USP49: variants seen among roughly 807,000 people sequenced by gnomAD.
USP49 encodes ubiquitin specific peptidase 49, also known as ubiquitin carboxyl-terminal hydrolase 49.
A neutral mutation model predicts 58.6 loss-of-function variants in USP49; 24 were observed. That is an observed-to-expected ratio of 0.41 (90% CI 0.30 to 0.58). USP49 has a LOEUF of 0.58. Among genes scored for constraint, USP49 ranks in the 20% least tolerant of loss-of-function variants. The pLI is 0.30. For synonymous variants in USP49, 408 were observed against 365.1 expected (o/e 1.12, Z -1.34); for missense variants, 703 against 866.1 (o/e 0.81, Z 2.36).
In USP49 at chr6:41,806,093, G is replaced by T. The variant is rs766133114; in HGVS notation, c.891C>A (p.Thr297=). The change falls in exon 4 of 8, where the codon ACC becomes ACA. Residue 297 remains threonine, a synonymous_variant. Transcript: ENST00000682992. The surrounding 1 kb of genome is among the most constrained non-coding windows in gnomAD (Gnocchi z 5.9). ...TGCCAGAAAGCTGAGTCTTCCCGTTGGTGGCTTTGGGAAACAGATGTTCCG... is the reference window on the plus strand; with the variant it reads ...TGCCAGAAAGCTGAGTCTTCCCGTTTGTGGCTTTGGGAAACAGATGTTCCG... ...SKTEHLFPKA[T]NGKTQLSGKP... 5 of 1,614,052 alleles carry T rather than the reference G, an allele frequency of 3.1e-6. No homozygotes were observed. Among genetic ancestry groups the T allele is most frequent in the East Asian group, 2.2e-5 (1 of 44,888 alleles).
rs1772863288 is a variant in USP49, at chr6:41,795,039, T to C, written c.*1494A>G. The stretch of plus-strand genomic sequence containing the variant: ...CATTCTTTAGCCTGGCTTTCCCCAC[T>C]TCCCACTCCTCCCCGAACGCCCTTC... On this transcript the variant is annotated 3_prime_UTR_variant, in exon 8 of 8. Transcript: ENST00000682992. 6.6e-6 allele frequency: 1 copy of C among 152,176 alleles called. No individual in the cohort carries two copies. The highest frequency in any genetic ancestry group is 1.9e-4 in the East Asian group (1 of 5,194). 9.4% of individuals were successfully genotyped at this position (152,176 alleles called of 1,614,324 possible).
chr6:41,832,403 T>G (rs908925779), intron 3 of USP49, among the ~76,000 whole-genome samples: 1 of 152,206 alleles, frequency 6.6e-6, no homozygotes, highest in African/African-American at 2.4e-5. Flanking sequence ...TACTGGCAAA[T>G]GCCTAAGTCC....
At chr6:41,796,990 C>T (rs1772898521) in intron 7 of USP49, among the ~76,000 whole-genome samples, 1 of 148,484 alleles carries the variant, frequency 6.7e-6, no homozygotes, top group African/African-American at 2.5e-5. Context: ...CGCTCTGTCA[C>T]CCAGGCTGGA....
intron 3 of USP49, among the ~76,000 whole-genome samples, chr6:41,846,212 G>A (rs566595252): frequency 7.2e-5 from 11 of 152,238 alleles, no homozygotes; most frequent in Non-Finnish European, 1.6e-4. Context: ...AGCTACTTGG[G>A]AGGCTGAGGC....
Position 41,802,428 on chromosome 6 carries a change from TTTTATTTA to T in USP49, c.1561+1370_1561+1377del, listed in dbSNP as rs1554142793. On this transcript the variant is annotated intron_variant, in intron 5 of 7. Coordinates refer to ENST00000682992, the MANE Select transcript of USP49 (RefSeq NM_001286554.2). ...TTATTTTTTATTTTATTTTATTTTATTTTATTTATTTATTTATTTATTTATTTATTTAT... is the reference window on the plus strand; with the variant it reads ...TTATTTTTTATTTTATTTTATTTTATTTTATTTATTTATTTATTTATTTAT... Among the ~76,000 whole-genome samples, 40 of 106,434 alleles carry T rather than the reference TTTTATTTA, an allele frequency of 3.8e-4. 3 individuals carry two copies. Among genetic ancestry groups the T allele is most frequent in the Admixed American group, 5.6e-4 (5 of 8,936 alleles). The allele number at this position is 106,434 out of a possible 152,430, so 69.8% of individuals were successfully genotyped here. A position where few individuals can be genotyped will look rare whatever the true frequency, so the allele number is the denominator to read the frequency against.
At chr6:41,802,403 TTA>T (rs1322447413) in intron 5 of USP49, among the ~76,000 whole-genome samples, 2 of 123,688 alleles carry the variant, frequency 1.6e-5, no homozygotes, top group African/African-American at 6.4e-5. Flanking sequence ...TTATTTTATT[TTA>T]TTTTTTATTT....
At chr6:41,860,304 T>C (rs181792897) in intron 3 of USP49, among the ~76,000 whole-genome samples, 48 of 149,840 alleles carry the variant, frequency 3.2e-4, no homozygotes, top group African/African-American at 1.2e-3. Context: ...AGAGAGGAGG[T>C]GAGGCAGTTG....
intron 3 of USP49, among the ~76,000 whole-genome samples, chr6:41,815,116 A>C (rs772941474): frequency 6.0e-4 from 92 of 152,082 alleles, no homozygotes; most frequent in Non-Finnish European, 1.5e-4. Flanking sequence ...TCAAGCTAGA[A>C]ATCAAAACAA....
chr6:41,850,782 T>C (rs934370132), intron 3 of USP49, among the ~76,000 whole-genome samples: 1 of 151,968 alleles, frequency 6.6e-6, no homozygotes, highest in Non-Finnish European at 1.5e-5. Context: ...TTTGTATTTT[T>C]AGTAGAGATG....
Position 41,791,978 on chromosome 6 carries a change from G to A in USP49, c.*4555C>T, listed in dbSNP as rs1772805074. The A allele has an allele frequency of 6.6e-6, 1 of 152,210 alleles. No homozygotes were observed. Among genetic ancestry groups the A allele is most frequent in the Non-Finnish European group, 1.5e-5 (1 of 68,036 alleles). The allele number at this position is 152,210 out of a possible 1,614,324, so 9.4% of individuals were successfully genotyped here. Reference sequence around the variant, plus strand: ...TTCTTCACTTATTTAGTTCAGTAATGAGGCTGAGGGACCCAATTTTCAAGT... The same window carrying A: ...TTCTTCACTTATTTAGTTCAGTAATAAGGCTGAGGGACCCAATTTTCAAGT... On this transcript the variant is annotated 3_prime_UTR_variant, in exon 8 of 8. Transcript: ENST00000682992.
At chr6:41,859,475 G>A (rs936236035) in intron 3 of USP49, among the ~76,000 whole-genome samples, 12 of 152,082 alleles carry the variant, frequency 7.9e-5, no homozygotes, top group South Asian at 2.1e-4. Context: ...TGTGCTCTCC[G>A]AGCACGTGTG....
intron 7 of USP49, among the ~76,000 whole-genome samples, chr6:41,797,425 A>C (rs1581986853): frequency 6.6e-6 from 1 of 152,338 alleles, no homozygotes; most frequent in East Asian, 1.9e-4. Flanking sequence ...GAAAATTTAG[A>C]AGGAACAAAA....
chr6:41,872,212 T>C (rs1219424076), intron 2 of USP49, among the ~76,000 whole-genome samples: 2 of 152,242 alleles, frequency 1.3e-5, no homozygotes, highest in East Asian at 3.8e-4. Context: ...TGTTTAAGGT[T>C]TCTGACACAT....
chr6:41,835,175 A>G (rs1773703419), intron 3 of USP49, among the ~76,000 whole-genome samples: 1 of 152,194 alleles, frequency 6.6e-6, no homozygotes, highest in Admixed American at 6.5e-5. Context: ...GGTATATCCC[A>G]GAGGGGAAAA....
chr6:41,869,109 C>T (rs530871781), intron 3 of USP49, among the ~76,000 whole-genome samples: 5 of 148,728 alleles, frequency 3.4e-5, no homozygotes, highest in African/African-American at 5.0e-5. Flanking sequence ...ATTTTAACAC[C>T]GAGATAACAG....
At chr6:41,849,927 A>G (rs930288506) in intron 3 of USP49, among the ~76,000 whole-genome samples, 1 of 152,154 alleles carries the variant, frequency 6.6e-6, no homozygotes, top group African/African-American at 2.4e-5. Context: ...TCTAATGACA[A>G]TGAAATGAAA....
At chr6:41,829,716 A>G (rs974299048) in intron 3 of USP49, among the ~76,000 whole-genome samples, 2 of 152,228 alleles carry the variant, frequency 1.3e-5, no homozygotes, top group African/African-American at 4.8e-5. Flanking sequence ...TCAGTTGATT[A>G]GTAAATATTA....
At chr6:41,836,893 A>C (rs754046935) in intron 3 of USP49, among the ~76,000 whole-genome samples, 2 of 151,992 alleles carry the variant, frequency 1.3e-5, no homozygotes, top group Non-Finnish European at 2.9e-5. Flanking sequence ...AATACCTAGG[A>C]ATACAGCTAA....
rs1352348091 is a variant in USP49, at chr6:41,796,254, T to G, written c.*279A>C. On this transcript the variant is annotated 3_prime_UTR_variant, in exon 8 of 8. Coordinates refer to ENST00000682992, the MANE Select transcript of USP49 (RefSeq NM_001286554.2). ...TGATTGATTTACCCCCCCGCCCCGC[T>G]TTCCTCCACCCAGATCCCTCTATAT... 6.2e-6 allele frequency: 2 copies of G among 324,358 alleles called. No homozygotes were observed. Among genetic ancestry groups the G allele is most frequent in the Non-Finnish European group, 1.2e-5 (2 of 173,720 alleles). The allele number at this position is 324,358 out of a possible 1,614,324, so 20.1% of individuals were successfully genotyped here. A position where few individuals can be genotyped will look rare whatever the true frequency, so the allele number is the denominator to read the frequency against.
Sources: gnomAD v4.1 joint callset for allele counts (sites outside exome capture counted in the v4.1 genomes callset) on GRCh38, gnomAD v4.1.1 for gene constraint, Gnocchi (gnomAD v3.1) non-coding constraint, MANE v1.5 for transcripts, NCBI Gene and HGNC (gene_info 2026-07-23, HGNC 2026-07-21) for gene names.